The following TMED4 variants were observed in gnomAD, a reference collection of about 807,000 sequenced individuals.
The protein encoded by TMED4 is transmembrane p24 trafficking protein 4.
Under a neutral mutation model 26.5 loss-of-function variants are expected in TMED4, and 19 were observed. The ratio of observed to expected loss-of-function variants is 0.72; its 90% CI spans 0.50 to 1.05. TMED4 has a LOEUF of 1.05. Ranked by LOEUF, TMED4 falls within the 50% of genes least tolerant of loss-of-function variation. The probability of loss-of-function intolerance (pLI) is 0.00; values close to 1 mark genes in which losing one functional copy is unlikely to be tolerated. For missense variants in TMED4, 303 were observed against 302.5 expected (o/e 1.00, Z -0.01); for synonymous variants, 121 against 119.8 (o/e 1.01, Z -0.07).
intron 2 of TMED4, 24 bp downstream of exon 2, chr7:44,581,699 T>C (rs1208401788): frequency 6.2e-7 from 1 of 1,614,080 alleles, no homozygotes; most frequent in Non-Finnish European, 8.5e-7. Flanking sequence ...GAAGAACGGC[T>C]GCGTGGGCCA....
chr7:44,579,479 C>T lies in TMED4; in HGVS notation c.684G>A (p.Ter228=), dbSNP rs1260129952. ...AAGGAAGGGTCATACAAAGAGGGCA[C>T]TACACCAGCTTCTTGGCCTCAAAGA... ...KSFFEAKKLV[*] Residue 228 remains the stop codon, a stop_retained_variant, in exon 5 of 5, where the codon TAG becomes TAA. Coordinates refer to ENST00000457408, the MANE Select transcript of TMED4 (RefSeq NM_182547.4). The T allele has an allele frequency of 6.2e-7, 1 of 1,613,408 alleles. No homozygotes were observed. Among genetic ancestry groups the T allele is most frequent in the South Asian group, 1.1e-5 (1 of 91,054 alleles).
At chr7:44,580,700 A>G (rs1381994501) in intron 4 of TMED4, 7 of 187,884 alleles carry the variant, frequency 3.7e-5, no homozygotes, top group Non-Finnish European at 1.1e-5. Context: ...TAATCCCAGC[A>G]CTTTGGGAGG....
chr7:44,581,111 C>T lies in TMED4; in HGVS notation c.516G>A (p.Lys172=). ...CACTTGCCCTTTGGTAATCCTGCTC[C>T]TTCTGAATCTGTTCCACCTGATCAA... ...QLLDQVEQIQ[K]EQDYQRYREE... Residue 172 remains lysine, a synonymous_variant, in exon 4 of 5, where the codon AAG becomes AAA. Transcript: ENST00000457408. 2 of 1,614,168 alleles carry T rather than the reference C, an allele frequency of 1.2e-6. No individual in the cohort carries two copies. The highest frequency in any genetic ancestry group is 1.7e-6 in the Non-Finnish European group (2 of 1,180,038).
In TMED4 at chr7:44,578,395, T is replaced by C. The variant is rs1261349711; in HGVS notation, c.*1084A>G. 2 of 152,194 alleles carry C rather than the reference T, an allele frequency of 1.3e-5. No homozygotes were observed. The highest frequency in any genetic ancestry group is 1.5e-5 in the Non-Finnish European group (1 of 68,034). 9.4% of individuals were successfully genotyped at this position (152,194 alleles called of 1,614,324 possible). A position where few individuals can be genotyped will look rare whatever the true frequency, so the allele number is the denominator to read the frequency against. On this transcript the variant is annotated 3_prime_UTR_variant, in exon 5 of 5. Transcript: ENST00000457408. ...AAGAAAACATTTAGCACAGCTTAAA[T>C]AAAAGTTGAGAAGGAGGGTAAGAGT... is the stretch of plus-strand genomic sequence containing the variant.
rs1049629282 is a variant in TMED4 at position 44,577,930 on chromosome 7, CAAAT to C, written c.*1545_*1548del. 4.6e-5 allele frequency: 7 copies of C among 151,584 alleles called. No homozygotes were observed. Among genetic ancestry groups the C allele is most frequent in the African/African-American group, 1.2e-4 (5 of 41,248 alleles). 9.4% of individuals were successfully genotyped at this position (151,584 alleles called of 1,614,324 possible). On this transcript the variant is annotated 3_prime_UTR_variant, in exon 5 of 5. Transcript: ENST00000457408. The stretch of plus-strand genomic sequence containing the variant: ...AGGTCAGATAATTTAATAAATATTT[CAAAT>C]AAATATATAATAAAAACTGAAATAA...
intron 4 of TMED4, 125 bp downstream of exon 4, chr7:44,580,968 C>T (rs1011072965): frequency 4.6e-6 from 5 of 1,076,352 alleles, no homozygotes; most frequent in Non-Finnish European, 6.8e-6. Context: ...AAACAAACAA[C>T]CTATCTAAAC....
chr7:44,579,438 A>G lies in TMED4; in HGVS notation c.*41T>C. 1 of 1,591,410 alleles carries G rather than the reference A, an allele frequency of 6.3e-7. No individual in the cohort carries two copies. Among genetic ancestry groups the G allele is most frequent in the Non-Finnish European group, 8.6e-7 (1 of 1,165,204 alleles). ...TAAAGGACTGTGTGGGGAAAGTACC[A>G]AATAAATGAGGTAAAAAGGAAGGGT... On this transcript the variant is annotated 3_prime_UTR_variant, in exon 5 of 5. Transcript: ENST00000457408.
At chr7:44,581,905 C>CT in intron 1 of TMED4, 82 bp from the exon 2 acceptor site, 1 of 1,583,678 alleles carries the variant, frequency 6.3e-7, no homozygotes, top group Non-Finnish European at 8.7e-7. Context: ...GCCCGGAGCT[C>CT]TAGGCAGGGG....
chr7:44,582,009 T>G, intron 1 of TMED4, 38 bp downstream of exon 1: 2 of 1,534,268 alleles, frequency 1.3e-6, no homozygotes, highest in Non-Finnish European at 8.8e-7. Flanking sequence ...AGGGCTGAGC[T>G]GGGTACAAAG....
intron 4 of TMED4, chr7:44,579,870 G>A: frequency 2.8e-6 from 1 of 357,488 alleles, no homozygotes; most frequent in Non-Finnish European, 5.0e-6. Context: ...AAGAGTCCAA[G>A]AAAAACAGGT....
Position 44,581,704 on chromosome 7 carries a change from G to C in TMED4, c.261+19C>G. On this transcript the variant is annotated intron_variant, in intron 2 of 4. Coordinates refer to ENST00000457408, the MANE Select transcript of TMED4 (RefSeq NM_182547.4). ...GAGCTCCACTGAAGAACGGCTGCGT[G>C]GGCCAACGCCAGCCTTACCTTGCCG... The C allele has an allele frequency of 6.2e-7, 1 of 1,614,028 alleles. No individual in the cohort carries two copies. The highest frequency in any genetic ancestry group is 8.5e-7 in the Non-Finnish European group (1 of 1,179,856).
chr7:44,580,931 A>G (rs983286627), intron 4 of TMED4, 162 bp downstream of exon 4: 2 of 767,602 alleles, frequency 2.6e-6, no homozygotes, highest in African/African-American at 3.5e-5. Flanking sequence ...ATGGGCAACA[A>G]GAGTGAAACT....
chr7:44,582,187 C>G lies in TMED4; in HGVS notation c.20G>C (p.Gly7Ala), dbSNP rs1803029896. The change falls in exon 1 of 5, where the codon GGG becomes GCG. Residue 7 changes from glycine to alanine, a missense_variant. Transcript: ENST00000457408. The part of the protein sequence containing the change: MAGVGA[G>A]PLRAMGRQAL... ...CTGCCGCCCCATCGCCCGCAGAGGCCCAGCCCCGACACCTGCCATCGCGCC... is the reference window on the plus strand; with the variant it reads ...CTGCCGCCCCATCGCCCGCAGAGGCGCAGCCCCGACACCTGCCATCGCGCC... The G allele has an allele frequency of 3.2e-6, 5 of 1,546,038 alleles. No homozygotes were observed. The highest frequency in any genetic ancestry group is 4.4e-6 in the Non-Finnish European group (5 of 1,146,076).
In TMED4 at chr7:44,578,272, C is replaced by T. The variant is rs1222330180; in HGVS notation, c.*1207G>A. ...TTCCTCTTTTCCTTTAGGTGCCTCC[C>T]CTCTACCCACAACCTCTTATTTCAT... On this transcript the variant is annotated 3_prime_UTR_variant, in exon 5 of 5. Transcript: ENST00000457408. The T allele has an allele frequency of 6.6e-6, 1 of 152,196 alleles. No homozygotes were observed. The highest frequency in any genetic ancestry group is 6.5e-5 in the Admixed American group (1 of 15,280). The allele number at this position is 152,196 out of a possible 1,614,324, so 9.4% of individuals were successfully genotyped here. A position where few individuals can be genotyped will look rare whatever the true frequency, so the allele number is the denominator to read the frequency against.
Position 44,582,030 on chromosome 7 carries a change from C to T in TMED4, c.160+17G>A, listed in dbSNP as rs759097802. ...GAGCTGGGTACAAAGGGCCTCCCCA[C>T]CCTCAGCCCGCCTGACCGATGACCA... is the stretch of plus-strand genomic sequence containing the variant. On this transcript the variant is annotated intron_variant, in intron 1 of 4. Coordinates refer to ENST00000457408, the MANE Select transcript of TMED4 (RefSeq NM_182547.4). 4 of 1,549,508 alleles carry T rather than the reference C, an allele frequency of 2.6e-6. No individual in the cohort carries two copies. Among genetic ancestry groups the T allele is most frequent in the Admixed American group, 4.1e-5 (2 of 49,194 alleles).
Position 44,581,558 on chromosome 7 carries a change from T to A in TMED4, c.278A>T (p.Gln93Leu). Reference sequence around the variant, plus strand: ...CGTGAAGCGGCCCTCCGAGCCGTACTGCCGGGACAGCACCACCTGCAACAT... The same window carrying A: ...CGTGAAGCGGCCCTCCGAGCCGTACAGCCGGGACAGCACCACCTGCAACAT... ...DPDGKVVLSR[Q>L]YGSEGRFTFT... The change falls in exon 3 of 5, where the codon CAG (glutamine) becomes CTG (leucine). Residue 93 changes from glutamine to leucine, a missense_variant. By Grantham distance (113) the Gln-to-Leu change is moderately radical. Coordinates refer to ENST00000457408, the MANE Select transcript of TMED4 (RefSeq NM_182547.4). The A allele has an allele frequency of 6.2e-7, 1 of 1,614,198 alleles. No individual in the cohort carries two copies. The highest frequency in any genetic ancestry group is 1.6e-4 in the Middle Eastern group (1 of 6,062).
chr7:44,581,519 G>A lies in TMED4; in HGVS notation c.317C>T (p.Thr106Met). 4.3e-6 allele frequency: 7 copies of A among 1,614,200 alleles called. No homozygotes were observed. Among genetic ancestry groups the A allele is most frequent in the Non-Finnish European group, 5.9e-6 (7 of 1,180,042 alleles). ...SEGRFTFTSH[T>M]PGDHQICLHS... The stretch of plus-strand genomic sequence containing the variant: ...CAGACAGATTTGATGGTCACCGGGC[G>A]TGTGGGAGGTGAACGTGAAGCGGCC... Residue 106 changes from threonine (T) to methionine (M), a missense_variant, in exon 3 of 5, where the codon ACG (threonine) becomes ATG (methionine). Thr to Met is a moderately conservative substitution (Grantham distance 81). Transcript: ENST00000457408.
intron 4 of TMED4, 158 bp from the exon 5 acceptor site, chr7:44,579,786 C>T (rs1394444325): frequency 1.7e-6 from 1 of 600,064 alleles, no homozygotes; most frequent in Non-Finnish European, 2.7e-6. Context: ...CTGAGGCTGC[C>T]CCAAGAAAGG....
chr7:44,581,352 A>T, intron 3 of TMED4, 97 bp downstream of exon 3: 1 of 1,604,740 alleles, frequency 6.2e-7, no homozygotes, highest in Admixed American at 1.7e-5. Context: ...TGTCTCCCCA[A>T]TTCTGACTGT....
Sources: allele counts gnomAD v4.1 joint callset, GRCh38; gene constraint gnomAD v4.1.1; transcripts MANE v1.5; gene names NCBI Gene and HGNC (gene_info 2026-07-23, HGNC 2026-07-21).